The following SPIDR variants were observed in gnomAD, a reference collection of about 807,000 sequenced individuals.
SPIDR encodes DNA repair-scaffolding protein.
In SPIDR, 93 loss-of-function variants were observed where a neutral mutation model predicts 104.6. That is an observed-to-expected ratio of 0.89 (90% CI 0.75 to 1.06). The LOEUF (loss-of-function observed/expected upper bound fraction) is 1.06, where lower values mean the gene tolerates loss of function less well. SPIDR is among the 50% of genes least tolerant of loss of function. SPIDR has a pLI of 0.00. For synonymous variants in SPIDR, 431 were observed against 416.9 expected, an observed-to-expected ratio of 1.03 and a Z score of -0.41; for missense variants, 1,154 against 1,111.2, an observed-to-expected ratio of 1.04 and a Z score of -0.55.
rs555981693 is a variant in SPIDR, at chr8:47,499,561, C to T, written c.1097+59019C>T. ...CAGCATTTCTTTTTTTTTTTTTTTA[C>T]CCTTGATTTTTGTTGTTTTATTTTG... On this transcript the variant is annotated intron_variant, in intron 8 of 19. Coordinates refer to ENST00000297423, the MANE Select transcript of SPIDR (RefSeq NM_001080394.4). Among the ~76,000 whole-genome samples the T allele has an allele frequency of 8.7e-4, 129 of 148,812 alleles. 1 individual carries two copies. Among genetic ancestry groups the T allele is most frequent in the African/African-American group, 2.9e-3 (117 of 40,594 alleles).
intron 1 of SPIDR, among the ~76,000 whole-genome samples, chr8:47,273,212 C>T (rs756582811): frequency 1.0e-3 from 155 of 152,302 alleles, no homozygotes; most frequent in Non-Finnish European, 1.8e-3. Flanking sequence ...TAGGTTGTCA[C>T]TCATATTTTT....
chr8:47,352,417 G>C (rs2053714390), intron 5 of SPIDR, among the ~76,000 whole-genome samples: 1 of 152,204 alleles, frequency 6.6e-6, no homozygotes. Context: ...TTGGATATGT[G>C]TTGCTATGGG....
chr8:47,296,891 T>C (rs2040941832), intron 5 of SPIDR, among the ~76,000 whole-genome samples: 1 of 152,208 alleles, frequency 6.6e-6, no homozygotes, highest in African/African-American at 2.4e-5. Flanking sequence ...TTCCATGTGT[T>C]TGTGTCATCT....
At chr8:47,443,916 G>A (rs2070005736) in intron 8 of SPIDR, among the ~76,000 whole-genome samples, 1 of 152,078 alleles carries the variant, frequency 6.6e-6, no homozygotes, top group South Asian at 2.1e-4. Flanking sequence ...TTCCAGTGAG[G>A]TGTAATGCAG....
chr8:47,487,642 T>G (rs1274212367), intron 8 of SPIDR, among the ~76,000 whole-genome samples: 1 of 151,968 alleles, frequency 6.6e-6, no homozygotes, highest in Non-Finnish European at 1.5e-5. Context: ...GAACAGAAAT[T>G]ATAACAAACT....
At chr8:47,646,359 T>C (rs906581156) in intron 10 of SPIDR, among the ~76,000 whole-genome samples, 2 of 152,224 alleles carry the variant, frequency 1.3e-5, no homozygotes, top group Admixed American at 6.5e-5. Context: ...CATGTGTATA[T>C]ACAGATGTGT....
intron 10 of SPIDR, among the ~76,000 whole-genome samples, chr8:47,631,340 GT>G (rs2067044939): frequency 1.3e-5 from 2 of 152,158 alleles, no homozygotes; most frequent in African/African-American, 4.8e-5. Flanking sequence ...ATAACAATAG[GT>G]TTTTAGAAAA....
intron 5 of SPIDR, among the ~76,000 whole-genome samples, chr8:47,318,928 A>G (rs1306402009): frequency 6.7e-5 from 10 of 148,532 alleles, no homozygotes; most frequent in Non-Finnish European, 1.5e-4. Flanking sequence ...CTGCCCTAAA[A>G]GAGCTCCTGA....
intron 10 of SPIDR, among the ~76,000 whole-genome samples, chr8:47,653,748 T>C (rs2072129395): frequency 6.6e-6 from 1 of 152,072 alleles, no homozygotes; most frequent in Non-Finnish European, 1.5e-5. Context: ...GGCTCTGACA[T>C]GTACATACGG....
intron 10 of SPIDR, among the ~76,000 whole-genome samples, chr8:47,610,202 ACTCT>A (rs1319308310): frequency 2.0e-5 from 3 of 151,246 alleles, no homozygotes; most frequent in Non-Finnish European, 4.4e-5. Flanking sequence ...CAGTCTCCCT[ACTCT>A]TCCCACCGTA....
chr8:47,278,096 C>CTTTTTT (rs71225674), intron 1 of SPIDR, among the ~76,000 whole-genome samples: 1 of 137,268 alleles, frequency 7.3e-6, no homozygotes, highest in African/African-American at 2.7e-5. Flanking sequence ...TTTTCTTTCT[C>CTTTTTT]TTTTTTTTTT....
At position 47,673,941 on chromosome 8, in the gene SPIDR, G is replaced by A. The variant is rs1012011678; in HGVS notation, c.1685G>A (p.Arg562Lys). The part of the protein sequence containing the change: ...MKVLQKVTRG[R>K]TAGIFSLIDT... ...GTTCTACAGAAAGTCACCAGAGGAA[G>A]GTGAGAACGTGCAGGAATGGCATCC... Residue 562 changes from arginine to lysine, a missense_variant and splice_region_variant, in exon 11 of 20, where the codon AGG becomes AAG. Transcript: ENST00000297423. 2 of 1,613,470 alleles carry A rather than the reference G, an allele frequency of 1.2e-6. No individual in the cohort carries two copies. The highest frequency in any genetic ancestry group is 1.3e-5 in the African/African-American group (1 of 75,020).
intron 8 of SPIDR, among the ~76,000 whole-genome samples, chr8:47,465,870 T>C (rs968011663): frequency 3.0e-4 from 46 of 152,318 alleles, no homozygotes; most frequent in Non-Finnish European, 5.9e-4. Flanking sequence ...AGGCAGGGGT[T>C]GCAGTCCTCA....
intron 8 of SPIDR, among the ~76,000 whole-genome samples, chr8:47,520,622 A>G (rs2083916095): frequency 6.6e-6 from 1 of 152,194 alleles, no homozygotes; most frequent in Admixed American, 6.5e-5. Context: ...AAAGAAGCTA[A>G]CTGTATTTAA....
intron 10 of SPIDR, among the ~76,000 whole-genome samples, chr8:47,671,862 C>T (rs2075847374): frequency 6.6e-6 from 1 of 152,154 alleles, no homozygotes; most frequent in South Asian, 2.1e-4. Flanking sequence ...CTTTTAACAG[C>T]TCATAGTCTT....
Position 47,462,942 on chromosome 8 carries a change from C to CA in SPIDR, c.1097+22403dup, listed in dbSNP as rs1395154881. Among the ~76,000 whole-genome samples the CA allele has an allele frequency of 1.2e-4, 18 of 152,252 alleles. No homozygotes were observed. In the East Asian group the frequency reaches 3.3e-3, roughly 28 times the overall value. On this transcript the variant is annotated intron_variant, in intron 8 of 19. Coordinates refer to ENST00000297423, the MANE Select transcript of SPIDR (RefSeq NM_001080394.4). ...AATCCTATGAACAACTGAACACCAA[C>CA]AAATTGGGTAACCTAGATGAAATGT...
chr8:47,335,906 A>G (rs1470836435), intron 5 of SPIDR, among the ~76,000 whole-genome samples: 1 of 148,956 alleles, frequency 6.7e-6, no homozygotes, highest in Non-Finnish European at 1.5e-5. Flanking sequence ...GAAAAATGAT[A>G]TGCCTAAGTT....
At chr8:47,495,609 G>T (rs978073069) in intron 8 of SPIDR, among the ~76,000 whole-genome samples, 1 of 151,840 alleles carries the variant, frequency 6.6e-6, no homozygotes, top group African/African-American at 2.4e-5. Context: ...AGGAGCCATT[G>T]CCTGGTCCGA....
intron 5 of SPIDR, among the ~76,000 whole-genome samples, chr8:47,311,718 T>G (rs1402810876): frequency 3.9e-5 from 6 of 152,090 alleles, no homozygotes; most frequent in Non-Finnish European, 8.8e-5. Flanking sequence ...ACTTCTTTTT[T>G]TTTTTATATT....
Sources: gnomAD v4.1 joint callset for allele counts (sites outside exome capture counted in the v4.1 genomes callset) on GRCh38, gnomAD v4.1.1 for gene constraint, MANE v1.5 for transcripts, NCBI Gene and HGNC (gene_info 2026-07-23, HGNC 2026-07-21) for gene names.